Variants in FAT3 observed in about 807,000 individuals in gnomAD.
FAT3 encodes protocadherin Fat 3.
In FAT3, 95 loss-of-function variants were observed where a neutral mutation model predicts 310.2. That is an observed-to-expected ratio of 0.31 (90% CI 0.26 to 0.36). The LOEUF (loss-of-function observed/expected upper bound fraction) is 0.36, where lower values mean the gene tolerates loss of function less well. Among genes scored for constraint, FAT3 ranks in the 10% least tolerant of loss-of-function variants. FAT3 has a pLI of 1.00. For missense variants in FAT3, 5,408 were observed against 5,715.6 expected, an observed-to-expected ratio of 0.95 and a Z score of 1.74; for synonymous variants, 2,314 against 2,192.9, an observed-to-expected ratio of 1.06 and a Z score of -1.54.
At chr11:92,418,869 C>A (rs546927862) in intron 2 of FAT3, among the ~76,000 whole-genome samples, 6 of 152,272 alleles carry the variant, frequency 3.9e-5, no homozygotes, top group South Asian at 4.1e-4. Flanking sequence ...CCTGTCCTTA[C>A]AATGCTTGCA....
chr11:92,298,959 C>CTG (rs1177719964), intron 1 of FAT3, among the ~76,000 whole-genome samples: 1 of 152,022 alleles, frequency 6.6e-6, no homozygotes, highest in East Asian at 1.9e-4. Context: ...TCTGAGTGCC[C>CTG]TGTGTGTGTG....
chr11:92,700,852 T>G (rs918694330), intron 4 of FAT3, among the ~76,000 whole-genome samples: 1 of 152,176 alleles, frequency 6.6e-6, no homozygotes, highest in African/African-American at 2.4e-5. Flanking sequence ...ATTGTACAAT[T>G]TTGGCCACAT....
chr11:92,808,751 C>T (rs1013090968), intron 12 of FAT3, among the ~76,000 whole-genome samples: 33 of 152,034 alleles, frequency 2.2e-4, no homozygotes, highest in African/African-American at 7.5e-4. Context: ...CAGTGAAACC[C>T]CGTCTCCACT....
chr11:92,394,081 G>T (rs994202838), intron 2 of FAT3, among the ~76,000 whole-genome samples: 1 of 152,160 alleles, frequency 6.6e-6, no homozygotes, highest in East Asian at 1.9e-4. Context: ...TGTAGGAGGT[G>T]CTCAGTAATT....
intron 2 of FAT3, among the ~76,000 whole-genome samples, chr11:92,374,030 G>GAGAGA (rs1949270752): frequency 7.0e-6 from 1 of 142,136 alleles, no homozygotes. Context: ...ACAGAGAGAG[G>GAGAGA]GAGAGAGAGA....
chr11:92,503,833 A>G (rs1203133705), intron 2 of FAT3, among the ~76,000 whole-genome samples: 1 of 152,146 alleles, frequency 6.6e-6, no homozygotes, highest in South Asian at 2.1e-4. Context: ...GTGGTAATAC[A>G]AAGTTCTCTA....
In FAT3 at chr11:92,843,985, C is replaced by T. The variant is rs2136289969; in HGVS notation, c.10618C>T (p.Arg3540Ter). Residue 3540 changes from arginine to a stop codon, truncating the protein, a stop_gained, in exon 19 of 28, where the codon CGA becomes TGA. Coordinates refer to ENST00000525166, the MANE Select transcript of FAT3 (RefSeq NM_001367949.2). LOFTEE classifies it high-confidence loss of function. ...QQVSHTYIRV[R>*]VIEESTHKPT... Reference sequence around the variant, plus strand: ...AGTTTCTCACACTTACATCCGCGTGCGAGTCATTGAGGAAAGCACCCACAA... The same window carrying T: ...AGTTTCTCACACTTACATCCGCGTGTGAGTCATTGAGGAAAGCACCCACAA... The T allele has an allele frequency of 3.1e-6, 5 of 1,613,612 alleles. No homozygotes were observed. Among genetic ancestry groups the T allele is most frequent in the Non-Finnish European group, 4.2e-6 (5 of 1,179,638 alleles).
At chr11:92,294,585 C>G (rs531233483) in intron 1 of FAT3, among the ~76,000 whole-genome samples, 1 of 151,950 alleles carries the variant, frequency 6.6e-6, no homozygotes, top group South Asian at 2.1e-4. Context: ...AGGTGTCATG[C>G]AGAAAAGAGG....
intron 19 of FAT3, among the ~76,000 whole-genome samples, chr11:92,845,362 AGAG>A (rs1370155312): frequency 6.6e-6 from 1 of 152,228 alleles, no homozygotes; most frequent in East Asian, 1.9e-4. Context: ...GGAATGGATT[AGAG>A]GAGGCCAGGC....
chr11:92,335,529 C>CTTTATATA (rs1315026769), intron 1 of FAT3, among the ~76,000 whole-genome samples: 9 of 152,246 alleles, frequency 5.9e-5, no homozygotes, highest in Non-Finnish European at 1.3e-4. Flanking sequence ...AGGTGTTCTG[C>CTTTATATA]ACCTTATATA....
chr11:92,553,060 G>C (rs1325926797), intron 3 of FAT3, among the ~76,000 whole-genome samples: 2 of 152,068 alleles, frequency 1.3e-5, no homozygotes, highest in Non-Finnish European at 2.9e-5. Flanking sequence ...AAGAAATTGA[G>C]AGACAGAAAA....
Position 92,801,245 on chromosome 11 carries a change from T to G in FAT3, c.8232T>G (p.Asn2744Lys). ...PSQNVWFSTV[N>K]GERPENNKGG... ...AGAATGTCTGGTTCAGCACAGTTAA[T>G]GGGGAACGGCCAGAAAATAACAAAG... The change falls in exon 10 of 28, where the codon AAT becomes AAG. Residue 2744 changes from asparagine (N) to lysine (K), a missense_variant. Physicochemically the swap from Asn to Lys is moderately conservative, Grantham distance 94. Transcript: ENST00000525166. 6.2e-7 allele frequency: 1 copy of G among 1,613,820 alleles called. No homozygotes were observed. The highest frequency in any genetic ancestry group is 8.5e-7 in the Non-Finnish European group (1 of 1,179,844).
chr11:92,680,954 G>A (rs189541783), intron 3 of FAT3, among the ~76,000 whole-genome samples: 1 of 152,242 alleles, frequency 6.6e-6, no homozygotes, highest in Admixed American at 6.5e-5. Context: ...GTCAAAAATG[G>A]TACTAAAAAC....
Position 92,554,150 on chromosome 11 carries a change from G to A in FAT3, c.3607+29202G>A, listed in dbSNP as rs73550433. Among the ~76,000 whole-genome samples the A allele has an allele frequency of 1.1e-3, 169 of 151,946 alleles. 2 individuals carry two copies. The highest frequency in any genetic ancestry group is 4.0e-3 in the African/African-American group (164 of 41,448). On this transcript the variant is annotated intron_variant, in intron 3 of 27. Transcript: ENST00000525166. ...TGAGATGCAGGGCAGGATAGGATTT[G>A]GTTCAGGGAAGAAAGAAAATGAATG... is the stretch of plus-strand genomic sequence containing the variant.
At chr11:92,539,550 C>CA (rs1954373114) in intron 3 of FAT3, among the ~76,000 whole-genome samples, 1 of 152,026 alleles carries the variant, frequency 6.6e-6, no homozygotes, top group African/African-American at 2.4e-5. Flanking sequence ...GGGAGGAACA[C>CA]AAAAAACAGG....
chr11:92,762,536 C>A (rs949894579), intron 5 of FAT3, among the ~76,000 whole-genome samples: 1 of 152,104 alleles, frequency 6.6e-6, no homozygotes, highest in Non-Finnish European at 1.5e-5. Context: ...CACCACTGAA[C>A]ATATCTCTCA....
At chr11:92,264,381 A>T (rs567996504) in intron 1 of FAT3, among the ~76,000 whole-genome samples, 1 of 152,234 alleles carries the variant, frequency 6.6e-6, no homozygotes, top group Non-Finnish European at 1.5e-5. Context: ...GATACAAAAT[A>T]GTTATCTATA....
chr11:92,400,292 A>G (rs1334944275), intron 2 of FAT3: 1 of 152,218 alleles, frequency 6.6e-6, no homozygotes, highest in Admixed American at 6.5e-5. Flanking sequence ...CTGGCTGTAA[A>G]TAGCTGAGAG....
intron 1 of FAT3, among the ~76,000 whole-genome samples, chr11:92,297,994 C>A (rs1382342379): frequency 6.6e-6 from 1 of 152,050 alleles, no homozygotes; most frequent in Non-Finnish European, 1.5e-5. Context: ...GTGGTAAGCT[C>A]TTTTTGGAAG....
Sources: gnomAD v4.1 joint callset for allele counts (sites outside exome capture counted in the v4.1 genomes callset) on GRCh38, gnomAD v4.1.1 for gene constraint, MANE v1.5 for transcripts, NCBI Gene and HGNC (gene_info 2026-07-23, HGNC 2026-07-21) for gene names.